NME9: variants seen among roughly 807,000 people sequenced by gnomAD.
The protein encoded by NME9 is NME/NM23 family member 9.
Under a neutral mutation model 44.4 loss-of-function variants are expected in NME9, and 48 were observed. The observed-to-expected ratio is 1.08, with a 90% CI of 0.86 to 1.37. The LOEUF is 1.37. NME9 is among the 40% of genes most tolerant of loss of function. NME9 has a pLI of 0.00. For synonymous variants in NME9, 139 were observed against 147.1 expected, an observed-to-expected ratio of 0.94 and a Z score of 0.40; for missense variants, 325 against 405.2, an observed-to-expected ratio of 0.80 and a Z score of 1.70.
chr3:138,281,132 A>G (rs1407081571), intron 8 of NME9, among the ~76,000 whole-genome samples: 2 of 152,162 alleles, frequency 1.3e-5, no homozygotes, highest in Non-Finnish European at 1.5e-5. Flanking sequence ...GGCCCAAACC[A>G]TAATTTACCA....
intron 1 of NME9, among the ~76,000 whole-genome samples, chr3:138,328,807 A>G (rs955902541): frequency 6.6e-6 from 1 of 152,138 alleles, no homozygotes; most frequent in Admixed American, 6.5e-5. Context: ...CACATAATAT[A>G]TCTCAAAACA....
At chr3:138,283,013 C>T (rs1029403669) in intron 8 of NME9, among the ~76,000 whole-genome samples, 1 of 152,194 alleles carries the variant, frequency 6.6e-6, no homozygotes, top group Non-Finnish European at 1.5e-5. Flanking sequence ...ATGTCTGTCC[C>T]ACTTCTTGGG....
At chr3:138,268,354 A>G (rs1375760426) in intron 8 of NME9, among the ~76,000 whole-genome samples, 1 of 152,226 alleles carries the variant, frequency 6.6e-6, no homozygotes, top group Admixed American at 6.5e-5. Flanking sequence ...TGGAAGAGAA[A>G]GGCAAAACAG....
Position 138,301,396 on chromosome 3 carries a change from G to A in NME9, c.*244C>T. 2 of 656,632 alleles carry A rather than the reference G, an allele frequency of 3.0e-6. No individual in the cohort carries two copies. Among genetic ancestry groups the A allele is most frequent in the East Asian group, 4.6e-5 (1 of 21,748 alleles). The allele number at this position is 656,632 out of a possible 1,614,324, so 40.7% of individuals were successfully genotyped here. ...TTTTTTGTATTTTTAGTAGAGACAG[G>A]GTTTCACCATGTTGGCTAGGCTGGT... On this transcript the variant is annotated 3_prime_UTR_variant, in exon 11 of 11. Coordinates refer to ENST00000333911, the MANE Select transcript of NME9 (RefSeq NM_001349018.2).
chr3:138,327,640 T>C (rs893383258), intron 1 of NME9, among the ~76,000 whole-genome samples: 2 of 152,128 alleles, frequency 1.3e-5, no homozygotes, highest in East Asian at 3.9e-4. Flanking sequence ...CTGAATAACC[T>C]TGCTGAGAGA....
intron 2 of NME9, among the ~76,000 whole-genome samples, chr3:138,323,032 G>A (rs2108463035): frequency 6.6e-6 from 1 of 152,214 alleles, no homozygotes; most frequent in South Asian, 2.1e-4. Flanking sequence ...GTAGAGTGTG[G>A]CAATACTGAC....
Position 138,264,674 on chromosome 3 carries a change from C to T in NME9, c.746-2088G>A, listed in dbSNP as rs538110377. Among the ~76,000 whole-genome samples, 18 of 151,862 alleles carry T rather than the reference C, an allele frequency of 1.2e-4. No homozygotes were observed. In the South Asian group the frequency reaches 2.3e-3, roughly 19 times the overall value. On this transcript the variant is annotated intron_variant, in intron 8 of 8. Transcript: ENST00000317876. ...ACCACGTGATCTGCCCGCCTCGGCC[C>T]TCCAAAGTGCTGGGATTACAGGCAT...
intron 8 of NME9, among the ~76,000 whole-genome samples, chr3:138,270,926 G>A (rs1412045128): frequency 1.3e-5 from 2 of 152,184 alleles, no homozygotes; most frequent in Non-Finnish European, 2.9e-5. Flanking sequence ...CAGACACTAA[G>A]CTGGGCGTTT....
intron 6 of NME9, among the ~76,000 whole-genome samples, chr3:138,310,902 T>A (rs2052656691): frequency 6.6e-6 from 1 of 151,590 alleles, no homozygotes; most frequent in South Asian, 2.1e-4. Flanking sequence ...AGGAAGCAAA[T>A]AATAAAGATC....
At chr3:138,322,829 G>C (rs1417263064) in intron 2 of NME9, among the ~76,000 whole-genome samples, 2 of 152,058 alleles carry the variant, frequency 1.3e-5, no homozygotes, top group African/African-American at 2.4e-5. Context: ...TATCACATAG[G>C]GTGCTTAGCA....
intron 1 of NME9, among the ~76,000 whole-genome samples, chr3:138,325,796 ATTT>A (rs35102089): frequency 1.2e-3 from 166 of 140,292 alleles, no homozygotes; most frequent in African/African-American, 2.1e-3. Context: ...AGATTTAGGG[ATTT>A]TTTTTTTTTT....
intron 1 of NME9, 107 bp from the exon 2 acceptor site, chr3:138,325,037 G>A: frequency 1.1e-6 from 1 of 889,772 alleles, no homozygotes; most frequent in Non-Finnish European, 1.8e-6. Flanking sequence ...ATACTTACAA[G>A]TACAGTTCAA....
chr3:138,327,311 A>G (rs1174427608), intron 1 of NME9, among the ~76,000 whole-genome samples: 6 of 152,106 alleles, frequency 3.9e-5, no homozygotes, highest in Non-Finnish European at 7.3e-5. Flanking sequence ...TGGGCCCACA[A>G]CTACAGTCCT....
chr3:138,272,084 G>A (rs1190096661), intron 8 of NME9, among the ~76,000 whole-genome samples: 2 of 152,162 alleles, frequency 1.3e-5, no homozygotes, highest in African/African-American at 4.8e-5. Context: ...ATACAAATTA[G>A]AGAAAAAGGA....
At chr3:138,290,719 A>G in intron 8 of NME9, 1 of 886,640 alleles carries the variant, frequency 1.1e-6, no homozygotes, top group Non-Finnish European at 1.8e-6. Flanking sequence ...TTGGTAATTA[A>G]TGGCCATACT....
At chr3:138,318,837 C>G (rs976862207) in intron 3 of NME9, among the ~76,000 whole-genome samples, 3 of 152,134 alleles carry the variant, frequency 2.0e-5, no homozygotes, top group Admixed American at 6.6e-5. Flanking sequence ...CTTTATGGTG[C>G]AGAGGATGGA....
chr3:138,314,641 T>G (rs2052942526), intron 5 of NME9, among the ~76,000 whole-genome samples: 1 of 152,184 alleles, frequency 6.6e-6, no homozygotes, highest in African/African-American at 2.4e-5. Flanking sequence ...GTCTGCCTCT[T>G]TTCATAAGCA....
intron 8 of NME9, among the ~76,000 whole-genome samples, chr3:138,271,641 G>C (rs1308422514): frequency 1.3e-5 from 2 of 152,082 alleles, no homozygotes; most frequent in African/African-American, 4.8e-5. Context: ...TCTGACCTGG[G>C]TCTCTTGACA....
intron 6 of NME9, among the ~76,000 whole-genome samples, chr3:138,311,643 T>A (rs1475089582): frequency 6.6e-6 from 1 of 152,146 alleles, no homozygotes; most frequent in African/African-American, 2.4e-5. Flanking sequence ...AAAAACCATA[T>A]AATCATTCCA....
Sources: gnomAD v4.1 joint callset for allele counts (sites outside exome capture counted in the v4.1 genomes callset) on GRCh38, gnomAD v4.1.1 for gene constraint, MANE v1.5 for transcripts, NCBI Gene and HGNC (gene_info 2026-07-23, HGNC 2026-07-21) for gene names.